The following GRAMD1B variants were observed in gnomAD, a reference collection of about 807,000 sequenced individuals.
GRAMD1B encodes protein Aster-B.
Under a neutral mutation model 99.7 loss-of-function variants are expected in GRAMD1B, and 37 were observed. That is an observed-to-expected ratio of 0.37 (90% CI 0.29 to 0.49). The LOEUF is 0.49. Ranked by LOEUF, GRAMD1B falls within the 20% of genes least tolerant of loss-of-function variation. The pLI, the probability that GRAMD1B is intolerant of heterozygous loss-of-function variation, is 0.98. For synonymous variants in GRAMD1B, 427 were observed against 387.6 expected (o/e 1.10, Z -1.19); for missense variants, 888 against 1,009.2 (o/e 0.88, Z 1.63).
chr11:123,511,799 A>C (rs1459792341), intron 2 of GRAMD1B, among the ~76,000 whole-genome samples: 1 of 152,156 alleles, frequency 6.6e-6, no homozygotes, highest in Non-Finnish European at 1.5e-5. Flanking sequence ...AACCGGCAGG[A>C]ATGTGTTACA....
chr11:123,385,427 G>A (rs1256930640), intron 1 of GRAMD1B, among the ~76,000 whole-genome samples: 1 of 152,176 alleles, frequency 6.6e-6, no homozygotes, highest in Non-Finnish European at 1.5e-5. Context: ...CGAATACTGT[G>A]TAAATTCTTT....
intron 2 of GRAMD1B, among the ~76,000 whole-genome samples, chr11:123,519,858 G>A (rs1942031760): frequency 6.6e-6 from 1 of 152,234 alleles, no homozygotes; most frequent in Non-Finnish European, 1.5e-5. Context: ...GAGGTGGGAG[G>A]CAGGAGGGCC....
chr11:123,388,681 T>TCAAA (rs35971361), intron 1 of GRAMD1B, among the ~76,000 whole-genome samples: 17,752 of 149,484 alleles, frequency 0.12, 1,504 homozygotes, highest in African/African-American at 0.24. Flanking sequence ...AGACCCTGTT[T>TCAAA]CAAACAAACA....
chr11:123,578,416 A>G, intron 3 of GRAMD1B: 1 of 1,532,506 alleles, frequency 6.5e-7, no homozygotes, highest in East Asian at 2.4e-5. Context: ...TTAGTCTCAC[A>G]AGCGCCTCTC....
intron 7 of GRAMD1B, chr11:123,599,033 G>C (rs989261632): frequency 9.0e-7 from 1 of 1,111,518 alleles, no homozygotes; most frequent in Non-Finnish European, 1.4e-6. Context: ...CATGGAGATC[G>C]AGGTAACGAC....
chr11:123,579,407 T>C (rs1332355479), intron 3 of GRAMD1B, among the ~76,000 whole-genome samples: 1 of 152,190 alleles, frequency 6.6e-6, no homozygotes, highest in African/African-American at 2.4e-5. Context: ...CTGTGATCTT[T>C]AGACTAAATG....
rs1201622411 is a variant in GRAMD1B at position 123,608,649 on chromosome 11, T to G, written c.1514-10T>G. On this transcript the variant is annotated splice_polypyrimidine_tract_variant and intron_variant, in intron 11 of 19. Coordinates refer to ENST00000635736, the MANE Select transcript of GRAMD1B (RefSeq NM_001387025.1). Reference sequence around the variant, plus strand: ...TCACTGTCTACTTCCTGATCCTCTCTTCTGTGCAGGAGAGGTCCAGGCCTT... The same window carrying G: ...TCACTGTCTACTTCCTGATCCTCTCGTCTGTGCAGGAGAGGTCCAGGCCTT... The G allele has an allele frequency of 1.3e-6, 2 of 1,576,936 alleles. No homozygotes were observed. The highest frequency in any genetic ancestry group is 2.3e-5 in the South Asian group (2 of 85,674).
chr11:123,392,485 T>A (rs1222935538), intron 1 of GRAMD1B, among the ~76,000 whole-genome samples: 1 of 151,880 alleles, frequency 6.6e-6, no homozygotes, highest in Non-Finnish European at 1.5e-5. Flanking sequence ...CAGTTTCATA[T>A]CAATTCTGGC....
chr11:123,584,340 T>G lies in GRAMD1B; in HGVS notation c.684+8T>G. Reference sequence around the variant, plus strand: ...AGCCAGAGTTGGTATAATGTAAGTATTCCTGTTTCCCTTCTTGTTGGGTAC... The same window carrying G: ...AGCCAGAGTTGGTATAATGTAAGTAGTCCTGTTTCCCTTCTTGTTGGGTAC... On this transcript the variant is annotated splice_region_variant and intron_variant, in intron 4 of 19. Coordinates refer to ENST00000635736, the MANE Select transcript of GRAMD1B (RefSeq NM_001387025.1). 1 of 485,726 alleles carries G rather than the reference T, an allele frequency of 2.1e-6. No homozygotes were observed. The highest frequency in any genetic ancestry group is 2.7e-6 in the Non-Finnish European group (1 of 364,726). The allele number at this position is 485,726 out of a possible 1,614,324, so 30.1% of individuals were successfully genotyped here. A position where few individuals can be genotyped will look rare whatever the true frequency, so the allele number is the denominator to read the frequency against.
intron 2 of GRAMD1B, among the ~76,000 whole-genome samples, chr11:123,572,156 C>G (rs1023411597): frequency 6.6e-6 from 1 of 152,172 alleles, no homozygotes; most frequent in Non-Finnish European, 1.5e-5. Context: ...ACTTAACCCC[C>G]CTAGACTCAG....
chr11:123,608,509 C>G (rs530825137), intron 11 of GRAMD1B, 150 bp from the exon 12 acceptor site: 4 of 1,537,976 alleles, frequency 2.6e-6, no homozygotes, highest in Non-Finnish European at 3.5e-6. Context: ...ACCATGCCCA[C>G]GAGCTCAGCT....
At chr11:123,552,922 A>T (rs1298408011) in intron 2 of GRAMD1B, among the ~76,000 whole-genome samples, 1 of 152,232 alleles carries the variant, frequency 6.6e-6, no homozygotes, top group Non-Finnish European at 1.5e-5. Flanking sequence ...GATTAAAGAA[A>T]ATTTTAATAT....
intron 1 of GRAMD1B, among the ~76,000 whole-genome samples, chr11:123,412,691 A>T (rs976425415): frequency 1.3e-5 from 2 of 152,200 alleles, no homozygotes; most frequent in African/African-American, 4.8e-5. Flanking sequence ...AAAACATAAC[A>T]TTTTCTCCAT....
rs1286491213 is a variant in GRAMD1B, at chr11:123,626,074, G to C, written c.*3479G>C. On this transcript the variant is annotated 3_prime_UTR_variant, in exon 20 of 20. Coordinates refer to ENST00000635736, the MANE Select transcript of GRAMD1B (RefSeq NM_001387025.1). ...GGATCTTCCTTTGGACTTTCTCTAA[G>C]TTGGGAGAAGAACATTCTTTTCAAT... 2.6e-5 allele frequency: 4 copies of C among 152,200 alleles called. No individual in the cohort carries two copies. Among genetic ancestry groups the C allele is most frequent in the African/African-American group, 9.7e-5 (4 of 41,438 alleles). The allele number at this position is 152,200 out of a possible 1,614,324, so 9.4% of individuals were successfully genotyped here. A position where few individuals can be genotyped will look rare whatever the true frequency, so the allele number is the denominator to read the frequency against.
Position 123,491,986 on chromosome 11 carries a change from G to A in GRAMD1B, c.452+11093G>A, listed in dbSNP as rs73612093. On this transcript the variant is annotated intron_variant, in intron 2 of 19. Coordinates refer to ENST00000635736, the MANE Select transcript of GRAMD1B (RefSeq NM_001387025.1). ...TAGGTGGTGGGGACCCTGGAGATTAGGTTTGGGATTGCCTGGGTTGGCTCC... is the reference window on the plus strand; with the variant it reads ...TAGGTGGTGGGGACCCTGGAGATTAAGTTTGGGATTGCCTGGGTTGGCTCC... The A allele has an allele frequency of 8.1e-3, 3,218 of 399,108 alleles. 93 individuals are homozygous for A. The highest frequency in any genetic ancestry group is 0.057 in the African/African-American group (2,764 of 48,746). 24.7% of individuals were successfully genotyped at this position (399,108 alleles called of 1,614,324 possible).
intron 1 of GRAMD1B, among the ~76,000 whole-genome samples, chr11:123,372,898 G>A (rs1946573872): frequency 6.6e-6 from 1 of 152,122 alleles, no homozygotes; most frequent in Non-Finnish European, 1.5e-5. Flanking sequence ...CCAGCACTTT[G>A]GAAGGCTGAG....
intron 1 of GRAMD1B, among the ~76,000 whole-genome samples, chr11:123,447,467 G>A (rs1395961787): frequency 6.6e-6 from 1 of 152,176 alleles, no homozygotes; most frequent in Admixed American, 6.5e-5. Flanking sequence ...AGTGAGTCAT[G>A]ACGCTCAGGC....
chr11:123,483,489 T>C (rs1422090504), intron 2 of GRAMD1B, among the ~76,000 whole-genome samples: 1 of 150,928 alleles, frequency 6.6e-6, no homozygotes, highest in African/African-American at 2.4e-5. Context: ...AGGGTTCAAG[T>C]GATTTTCCCA....
intron 1 of GRAMD1B, among the ~76,000 whole-genome samples, chr11:123,382,074 C>G (rs1946895113): frequency 6.6e-6 from 1 of 152,072 alleles, no homozygotes; most frequent in Non-Finnish European, 1.5e-5. Flanking sequence ...TTTCATCTTC[C>G]CAGAATAAAT....
Sources: allele counts gnomAD v4.1 joint callset (sites outside exome capture counted in the v4.1 genomes callset), GRCh38; gene constraint gnomAD v4.1.1; transcripts MANE v1.5; gene names NCBI Gene and HGNC (gene_info 2026-07-23, HGNC 2026-07-21).